The following MRPS27 variants were observed in gnomAD, a reference collection of about 807,000 sequenced individuals.
MRPS27 encodes small ribosomal subunit protein mS27.
A neutral mutation model predicts 48.9 loss-of-function variants in MRPS27; 43 were observed. The ratio of observed to expected loss-of-function variants is 0.88; its 90% CI spans 0.69 to 1.13. MRPS27 has a LOEUF of 1.13. MRPS27 is among the 50% of genes most tolerant of loss of function. The pLI is 0.00. For missense variants in MRPS27, 467 were observed against 476.3 expected (o/e 0.98, Z 0.18); for synonymous variants, 188 against 171.9 (o/e 1.09, Z -0.73).
intron 6 of MRPS27, among the ~76,000 whole-genome samples, chr5:72,233,820 ACTTTATC>A (rs1433507616): frequency 1.3e-5 from 2 of 152,152 alleles, no homozygotes; most frequent in Non-Finnish European, 2.9e-5. Context: ...AAATAAATTT[ACTTTATC>A]CTTTATTTAT....
At chr5:72,248,669 TAAAAAAAA>T (rs36063387) in intron 4 of MRPS27, among the ~76,000 whole-genome samples, 3 of 70,296 alleles carry the variant, frequency 4.3e-5, no homozygotes, top group South Asian at 5.7e-4. Flanking sequence ...CATTTTCATT[TAAAAAAAA>T]AAAAAAAAAA....
rs1005671104 is a variant in MRPS27, at chr5:72,220,823, T to C, written c.*86A>G. ...AGAAAAGAAGATGGGTAGAGGAAGCTGAGGCTGTTGTCCAGGCCACTGCTG... is the reference window on the plus strand; with the variant it reads ...AGAAAAGAAGATGGGTAGAGGAAGCCGAGGCTGTTGTCCAGGCCACTGCTG... On this transcript the variant is annotated 3_prime_UTR_variant, in exon 11 of 11. Transcript: ENST00000261413. The C allele has an allele frequency of 1.9e-4, 290 of 1,543,676 alleles. No homozygotes were observed. The highest frequency in any genetic ancestry group is 2.4e-4 in the Non-Finnish European group (271 of 1,142,586).
In MRPS27 at chr5:72,295,047, GTGTT is replaced by G. The variant is rs1420765856; in HGVS notation, c.281+480_281+483del. 4.6e-5 allele frequency among the ~76,000 whole-genome samples: 7 copies of G among 152,096 alleles called. No homozygotes were observed. In the East Asian group the frequency reaches 7.7e-4, roughly 17 times the overall value. ...AGAGATACTCAACTTGTGTGTGTGTGTGTTTGTGTGTGTGTGTATAAATTTTCAC... is the reference window on the plus strand; with the variant it reads ...AGAGATACTCAACTTGTGTGTGTGTGTGTGTGTGTGTGTATAAATTTTCAC... On this transcript the variant is annotated intron_variant, in intron 4 of 10. Coordinates refer to ENST00000261413, the MANE Select transcript of MRPS27 (RefSeq NM_015084.3).
chr5:72,226,054 T>C lies in MRPS27; in HGVS notation c.837+3A>G, dbSNP rs748137078. The C allele has an allele frequency of 1.9e-6, 3 of 1,610,662 alleles. No homozygotes were observed. The highest frequency in any genetic ancestry group is 1.7e-5 in the Admixed American group (1 of 59,884). ...CTCACTGCCTTAGAGCTGAAGAACA[T>C]ACCGCTTCTCTACACAGCTTTATGT... On this transcript the variant is annotated splice_donor_region_variant and intron_variant, in intron 9 of 10. Transcript: ENST00000261413.
Position 72,234,129 on chromosome 5 carries a change from T to C in MRPS27, c.465A>G (p.Glu155=). ...GGGTTAGTTTCTTACCTTTGTAATT[T>C]TCTTTCTTTATGAAAGAATCCATCA... ...NLLMDSFIKK[E]NYKDALSVVF... The change falls in exon 6 of 11, where the codon GAA becomes GAG. Residue 155 remains glutamate (E), a synonymous_variant. Transcript: ENST00000261413. The C allele has an allele frequency of 6.6e-7, 1 of 1,522,784 alleles. No homozygotes were observed. Among genetic ancestry groups the C allele is most frequent in the Admixed American group, 2.2e-5 (1 of 45,044 alleles). 94.3% of individuals were successfully genotyped at this position (1,522,784 alleles called of 1,614,324 possible). A position where few individuals can be genotyped will look rare whatever the true frequency, so the allele number is the denominator to read the frequency against.
At chr5:72,292,210 T>G (rs1420882898) in intron 4 of MRPS27, among the ~76,000 whole-genome samples, 1 of 149,816 alleles carries the variant, frequency 6.7e-6, no homozygotes, top group Admixed American at 6.6e-5. Flanking sequence ...CCAGTTTTTT[T>G]TTTTTTTTTT....
At chr5:72,285,360 CCTT>C (rs890292991) in intron 4 of MRPS27, among the ~76,000 whole-genome samples, 6 of 152,226 alleles carry the variant, frequency 3.9e-5, no homozygotes, top group African/African-American at 1.2e-4. Flanking sequence ...CAACATCAAT[CCTT>C]CTTCTAGCCT....
intron 2 of MRPS27, among the ~76,000 whole-genome samples, chr5:72,298,927 T>C (rs1750057288): frequency 6.9e-6 from 1 of 144,614 alleles, no homozygotes; most frequent in Non-Finnish European, 1.5e-5. Context: ...CATGAAATAC[T>C]ACACAGCCAT....
At position 72,319,890 on chromosome 5, in the gene MRPS27, A is replaced by C. The variant is rs1028051495; in HGVS notation, c.73+259T>G. 8.0e-6 allele frequency: 4 copies of C among 500,020 alleles called. No individual in the cohort carries two copies. The Admixed American group carries it at 1.1e-4, about 13-fold the overall frequency. 31.0% of individuals were successfully genotyped at this position (500,020 alleles called of 1,614,324 possible). A position where few individuals can be genotyped will look rare whatever the true frequency, so the allele number is the denominator to read the frequency against. On this transcript the variant is annotated intron_variant, in intron 1 of 10. Transcript: ENST00000261413. ...AAAAGCACGACCACCCCAACACATAAATCTGGCGAATCATACGCAAATTCC... is the reference window on the plus strand; with the variant it reads ...AAAAGCACGACCACCCCAACACATACATCTGGCGAATCATACGCAAATTCC...
intron 4 of MRPS27, 140 bp downstream of exon 4, chr5:72,295,391 C>G: frequency 1.7e-6 from 1 of 579,202 alleles, no homozygotes; most frequent in Non-Finnish European, 3.0e-6. Context: ...AAATCAGAAA[C>G]TCTCTCTATA....
chr5:72,294,314 AAACAAC>A (rs752399604), intron 4 of MRPS27, among the ~76,000 whole-genome samples: 12 of 152,122 alleles, frequency 7.9e-5, no homozygotes, highest in South Asian at 2.1e-4. Context: ...AAACCCCCCA[AAACAAC>A]AACAACAACA....
chr5:72,315,591 T>C (rs1203036777), intron 1 of MRPS27, among the ~76,000 whole-genome samples: 2 of 150,498 alleles, frequency 1.3e-5, no homozygotes, highest in East Asian at 1.9e-4. Flanking sequence ...AAAATATATA[T>C]GTATACACAC....
At chr5:72,276,464 A>T (rs1329275037) in intron 4 of MRPS27, among the ~76,000 whole-genome samples, 1 of 152,200 alleles carries the variant, frequency 6.6e-6, no homozygotes, top group Non-Finnish European at 1.5e-5. Context: ...TAGAAACCCT[A>T]GAAGAAAATC....
At chr5:72,248,009 C>G (rs1748551724) in intron 4 of MRPS27, among the ~76,000 whole-genome samples, 2 of 152,192 alleles carry the variant, frequency 1.3e-5, no homozygotes, top group Non-Finnish European at 2.9e-5. Flanking sequence ...CTTTACCACT[C>G]ACCAAACAAA....
rs776962586 is a variant in MRPS27, at chr5:72,223,827, C to T, written c.861G>A (p.Leu287=). The change falls in exon 10 of 11, where the codon CTG becomes CTA. Residue 287 remains leucine, a synonymous_variant. Coordinates refer to ENST00000261413, the MANE Select transcript of MRPS27 (RefSeq NM_015084.3). ...REALDVLGAV[L]KALTSADGAS... is the part of the protein sequence containing the mutation. ...CCCCATCAGCTGAAGTCAGAGCCTTCAGCACTGCACCCAGCACATCGAGCT... is the reference window on the plus strand; with the variant it reads ...CCCCATCAGCTGAAGTCAGAGCCTTTAGCACTGCACCCAGCACATCGAGCT... 27 of 1,613,760 alleles carry T rather than the reference C, an allele frequency of 1.7e-5. No individual in the cohort carries two copies. The highest frequency in any genetic ancestry group is 1.9e-5 in the Non-Finnish European group (22 of 1,179,902).
At chr5:72,308,834 TATTTC>T (rs1205749736) in intron 2 of MRPS27, among the ~76,000 whole-genome samples, 5 of 152,168 alleles carry the variant, frequency 3.3e-5, no homozygotes, top group African/African-American at 1.2e-4. Context: ...TCCAAAACAT[TATTTC>T]ACCTCACACG....
intron 2 of MRPS27, among the ~76,000 whole-genome samples, chr5:72,303,974 G>A (rs1014175348): frequency 2.0e-5 from 3 of 150,856 alleles, no homozygotes; most frequent in Admixed American, 1.3e-4. Flanking sequence ...AAATACTAAA[G>A]GAAATTTTTA....
chr5:72,223,840 A>G lies in MRPS27; in HGVS notation c.848T>C (p.Leu283Pro). The change falls in exon 10 of 11, where the codon CTG (leucine) becomes CCG (proline). Residue 283 changes from leucine (L) to proline (P), a missense_variant. Leu to Pro is a moderately conservative substitution (Grantham distance 98). Coordinates refer to ENST00000261413, the MANE Select transcript of MRPS27 (RefSeq NM_015084.3). ...AGTCAGAGCCTTCAGCACTGCACCC[A>G]GCACATCGAGCTGTGGAGCAGAAAG... ...IKLCREALDV[L>P]GAVLKALTSA... 1 of 1,613,640 alleles carries G rather than the reference A, an allele frequency of 6.2e-7. No individual in the cohort carries two copies. The highest frequency in any genetic ancestry group is 8.5e-7 in the Non-Finnish European group (1 of 1,179,734).
In MRPS27 at chr5:72,219,595, C is replaced by G. The variant is rs928060092; in HGVS notation, c.*1314G>C. 1 of 152,190 alleles carries G rather than the reference C, an allele frequency of 6.6e-6. No individual in the cohort carries two copies. The highest frequency in any genetic ancestry group is 2.4e-5 in the African/African-American group (1 of 41,448). 9.4% of individuals were successfully genotyped at this position (152,190 alleles called of 1,614,324 possible). ...CACAATCTTGAATAAAATTACACCACTGTACTTAAGGGCAACACTACATAG... is the reference window on the plus strand; with the variant it reads ...CACAATCTTGAATAAAATTACACCAGTGTACTTAAGGGCAACACTACATAG... On this transcript the variant is annotated 3_prime_UTR_variant, in exon 11 of 11. Transcript: ENST00000261413.
Sources: gnomAD v4.1 joint callset for allele counts (sites outside exome capture counted in the v4.1 genomes callset) on GRCh38, gnomAD v4.1.1 for gene constraint, MANE v1.5 for transcripts, NCBI Gene and HGNC (gene_info 2026-07-23, HGNC 2026-07-21) for gene names.